Variants in TYR observed in about 807,000 individuals in gnomAD.
TYR encodes the protein tyrosinase, also known as LB24-AB.
Under a neutral mutation model 51.5 loss-of-function variants are expected in TYR, and 58 were observed. The observed-to-expected ratio is 1.13, with a 90% confidence interval of 0.91 to 1.40. The LOEUF is 1.40. Ranked by LOEUF, TYR falls within the 40% of genes most tolerant of loss-of-function variation. The probability of loss-of-function intolerance (pLI) is 0.00; values close to 1 mark genes in which losing one functional copy is unlikely to be tolerated. For missense variants in TYR, 732 were observed against 647.4 expected, an observed-to-expected ratio of 1.13 and a Z score of -1.42; for synonymous variants, 263 against 235.2, an observed-to-expected ratio of 1.12 and a Z score of -1.08.
intron 1 of TYR, among the ~76,000 whole-genome samples, chr11:89,183,795 T>A (rs970471007): frequency 6.6e-6 from 1 of 152,140 alleles, no homozygotes; most frequent in Non-Finnish European, 1.5e-5. Flanking sequence ...AACAGTGTTA[T>A]ACACCCAAAG....
intron 3 of TYR, among the ~76,000 whole-genome samples, chr11:89,270,722 C>A (rs1944579175): frequency 6.6e-6 from 1 of 151,638 alleles, no homozygotes; most frequent in South Asian, 2.1e-4. Context: ...TAATCTTGAA[C>A]AATTTGAAAA....
chr11:89,237,308 T>A (rs768831256), intron 3 of TYR, among the ~76,000 whole-genome samples: 1 of 152,146 alleles, frequency 6.6e-6, no homozygotes, highest in Non-Finnish European at 1.5e-5. Flanking sequence ...TTCCCCCCAT[T>A]TTCTTCTAGC....
chr11:89,237,180 T>C (rs746907369), intron 3 of TYR, among the ~76,000 whole-genome samples: 13 of 152,206 alleles, frequency 8.5e-5, no homozygotes, highest in Non-Finnish European at 1.8e-4. Context: ...TTAACTGTTT[T>C]CTTGGCTGCA....
intron 4 of TYR, among the ~76,000 whole-genome samples, chr11:89,292,322 T>C (rs991860370): frequency 1.9e-4 from 29 of 152,066 alleles, no homozygotes; most frequent in African/African-American, 7.0e-4. Flanking sequence ...ATATCAATGA[T>C]GACAATATAC....
intron 3 of TYR, among the ~76,000 whole-genome samples, chr11:89,277,136 G>C (rs772799318): frequency 6.6e-6 from 1 of 151,468 alleles, no homozygotes; most frequent in Non-Finnish European, 1.5e-5. Context: ...GGCTTAGAGA[G>C]TTTTATTGGA....
chr11:89,284,419 G>C (rs1315515331), intron 3 of TYR, among the ~76,000 whole-genome samples: 4 of 151,420 alleles, frequency 2.6e-5, no homozygotes, highest in Non-Finnish European at 5.9e-5. Flanking sequence ...TCTTTCTCTG[G>C]TCTTTCTTTG....
At chr11:89,279,551 G>A (rs184890254) in intron 3 of TYR, among the ~76,000 whole-genome samples, 252 of 151,760 alleles carry the variant, frequency 1.7e-3, no homozygotes, top group African/African-American at 5.9e-3. Flanking sequence ...TTTTCCCTGG[G>A]TCTTTGGCTC....
intron 3 of TYR, among the ~76,000 whole-genome samples, chr11:89,275,043 G>A (rs1192065051): frequency 3.3e-5 from 5 of 151,734 alleles, no homozygotes; most frequent in South Asian, 4.1e-4. Context: ...AGCTGTTGCC[G>A]CCTCATACCC....
intron 1 of TYR, among the ~76,000 whole-genome samples, 177 bp downstream of exon 1, chr11:89,178,949 A>G (rs949989023): frequency 1.3e-5 from 2 of 152,164 alleles, no homozygotes; most frequent in African/African-American, 4.8e-5. Flanking sequence ...CACACTTTAG[A>G]TATTTGTGTA....
intron 3 of TYR, among the ~76,000 whole-genome samples, chr11:89,237,384 T>C (rs1421160344): frequency 6.6e-6 from 1 of 152,128 alleles, no homozygotes; most frequent in Non-Finnish European, 1.5e-5. Flanking sequence ...TTATATATGG[T>C]GTGAGATAAG....
At chr11:89,196,938 C>T (rs12808785) in intron 2 of TYR, among the ~76,000 whole-genome samples, 34,474 of 152,062 alleles carry the variant, frequency 0.23, 6,194 homozygotes, top group African/African-American at 0.5. Flanking sequence ...ACTTACACAG[C>T]TTATCTTACT....
intron 1 of TYR, among the ~76,000 whole-genome samples, chr11:89,179,519 T>C (rs778034954): frequency 2.6e-5 from 4 of 151,916 alleles, no homozygotes; most frequent in Non-Finnish European, 5.9e-5. Flanking sequence ...AGGTATCAGG[T>C]AACTTGTATA....
chr11:89,261,603 A>G (rs1356676512), intron 3 of TYR, among the ~76,000 whole-genome samples: 1 of 152,190 alleles, frequency 6.6e-6, no homozygotes, highest in African/African-American at 2.4e-5. Flanking sequence ...TTTGCAAGTC[A>G]ACTATAATAG....
At chr11:89,238,127 TC>T (rs1177222451) in intron 3 of TYR, among the ~76,000 whole-genome samples, 1 of 152,112 alleles carries the variant, frequency 6.6e-6, no homozygotes, top group Non-Finnish European at 1.5e-5. Context: ...GAGCCACTGC[TC>T]CCAGCCAATT....
At chr11:89,273,197 TTATC>T (rs1385438338) in intron 3 of TYR, among the ~76,000 whole-genome samples, 2 of 151,926 alleles carry the variant, frequency 1.3e-5, no homozygotes, top group African/African-American at 4.8e-5. Flanking sequence ...CCTCTAATAT[TTATC>T]TAATATTATT....
At chr11:89,280,919 C>A (rs1944714227) in intron 3 of TYR, among the ~76,000 whole-genome samples, 1 of 151,558 alleles carries the variant, frequency 6.6e-6, no homozygotes, top group Non-Finnish European at 1.5e-5. Flanking sequence ...TGTCTCTATT[C>A]TTGGTTTTGG....
intron 2 of TYR, among the ~76,000 whole-genome samples, chr11:89,198,951 C>T (rs1363028019): frequency 6.6e-6 from 1 of 152,054 alleles, no homozygotes; most frequent in Non-Finnish European, 1.5e-5. Context: ...TAATGTTCCC[C>T]ACCCTGTGTC....
intron 3 of TYR, among the ~76,000 whole-genome samples, chr11:89,276,849 A>G (rs1268791181): frequency 6.6e-6 from 1 of 151,802 alleles, no homozygotes; most frequent in African/African-American, 2.4e-5. Flanking sequence ...TACTATTATT[A>G]GTAACAGAGT....
At chr11:89,277,387 T>C (rs1944668017) in intron 3 of TYR, among the ~76,000 whole-genome samples, 2 of 151,788 alleles carry the variant, frequency 1.3e-5, no homozygotes, top group South Asian at 2.1e-4. Context: ...TGTCACGTCA[T>C]CTGTCCTGGC....
Sources: allele counts gnomAD v4.1 joint callset (sites outside exome capture counted in the v4.1 genomes callset), GRCh38; gene constraint gnomAD v4.1.1; transcripts MANE v1.5; gene names NCBI Gene and HGNC (gene_info 2026-07-23, HGNC 2026-07-21).